Variants in DCAF6 observed in about 807,000 individuals in gnomAD.
The protein encoded by DCAF6 is DDB1 and CUL4 associated factor 6, also known as DDB1- and CUL4-associated factor 6.
In DCAF6, 54 loss-of-function variants were observed where a neutral mutation model predicts 125.1. That is an observed-to-expected ratio of 0.43 (90% confidence interval 0.35 to 0.54). The LOEUF is 0.54. DCAF6 is among the 20% of genes least tolerant of loss of function. The pLI is 0.01. For synonymous variants in DCAF6, 371 were observed against 390.4 expected, an observed-to-expected ratio of 0.95 and a Z score of 0.58; for missense variants, 934 against 1,161.7, an observed-to-expected ratio of 0.80 and a Z score of 2.85.
At chr1:167,872,810 G>A in the DCAF6 span, among the ~76,000 whole-genome samples, 2 of 150,538 alleles carry the variant, frequency 1.3e-5, no homozygotes, top group South Asian at 2.1e-4. Context: ...AGTGGCTCAC[G>A]TCTGTAATCC....
In DCAF6 at chr1:167,936,732, G is replaced by C; in HGVS notation, c.-180G>C. On this transcript the variant is annotated 5_prime_UTR_variant, in exon 1 of 22. Transcript: ENST00000367840. The stretch of plus-strand genomic sequence containing the variant: ...GAGAGTATGAGGCGAGCTCCGGCCC[G>C]GGTGCGGCCGGGCTTCAGGGGCCCA... The C allele has an allele frequency of 1.7e-6, 1 of 598,562 alleles. No homozygotes were observed. The highest frequency in any genetic ancestry group is 3.0e-6 in the Non-Finnish European group (1 of 334,926). 37.1% of individuals were successfully genotyped at this position (598,562 alleles called of 1,614,324 possible).
chr1:167,881,627 AC>A, the DCAF6 span, among the ~76,000 whole-genome samples: 1 of 152,230 alleles, frequency 6.6e-6, no homozygotes, highest in Non-Finnish European at 1.5e-5. Context: ...TTTATTGCAC[AC>A]TGACTCTAAG....
At chr1:167,988,008 TCTC>T (rs1680259156) in intron 5 of DCAF6, among the ~76,000 whole-genome samples, 1 of 152,092 alleles carries the variant, frequency 6.6e-6, no homozygotes, top group Non-Finnish European at 1.5e-5. Flanking sequence ...TGTCTTTTTT[TCTC>T]CTGTCTTTTA....
chr1:167,891,212 G>A, the DCAF6 span, among the ~76,000 whole-genome samples: 1 of 151,824 alleles, frequency 6.6e-6, no homozygotes, highest in Non-Finnish European at 1.5e-5. Context: ...CACCCACCTC[G>A]GCCTCCCAAA....
chr1:167,982,165 A>G (rs1679280372), intron 4 of DCAF6, among the ~76,000 whole-genome samples: 1 of 152,114 alleles, frequency 6.6e-6, no homozygotes, highest in Non-Finnish European at 1.5e-5. Context: ...GGCTCCTTGT[A>G]TGCCTTTGGC....
At position 168,015,888 on chromosome 1, in the gene DCAF6, C is replaced by G. The variant is rs975781164; in HGVS notation, c.1486C>G (p.Gln496Glu). The G allele has an allele frequency of 1.3e-6, 2 of 1,543,842 alleles. No individual in the cohort carries two copies. The highest frequency in any genetic ancestry group is 1.7e-6 in the Non-Finnish European group (2 of 1,143,626). Reference protein sequence around the residue: ...RQQELAAHTQQQPSTSDQSSH... With the variant: ...RQQELAAHTQEQPSTSDQSSH... ...GCAAGAGCTAGCTGCACATACCCAGCAACAGCCTTCCACTTCTGATCAGTC... is the reference window on the plus strand; with the variant it reads ...GCAAGAGCTAGCTGCACATACCCAGGAACAGCCTTCCACTTCTGATCAGTC... The change falls in exon 11 of 22, where the codon CAA becomes GAA. Residue 496 changes from glutamine (Q) to glutamate (E), a missense_variant. This residue lies in a region of DCAF6 where 559 missense variants were observed against 635.5 expected (regional missense o/e 0.88). Coordinates refer to ENST00000367840, the MANE Select transcript of DCAF6 (RefSeq NM_001198956.2).
At chr1:167,903,320 T>C in the DCAF6 span, among the ~76,000 whole-genome samples, 1 of 151,224 alleles carries the variant, frequency 6.6e-6, no homozygotes, top group East Asian at 1.9e-4. Context: ...TCCCAGCACT[T>C]TGGGGGGCTG....
intron 21 of DCAF6, among the ~76,000 whole-genome samples, chr1:168,072,321 A>G (rs867490005): frequency 1.5e-3 from 222 of 146,284 alleles, no homozygotes; most frequent in Non-Finnish European, 2.3e-3. Context: ...AAAAAAAAAA[A>G]AAAAGAAAAG....
intron 4 of DCAF6, 96 bp downstream of exon 4, chr1:167,975,111 TGTG>T: frequency 1.5e-6 from 1 of 658,350 alleles, no homozygotes; most frequent in South Asian, 4.5e-5. Flanking sequence ...CATGTACAGA[TGTG>T]TGTGTATGCA....
intron 10 of DCAF6, among the ~76,000 whole-genome samples, chr1:168,009,587 GTCTTT>G (rs1415627138): frequency 4.3e-5 from 6 of 137,938 alleles, no homozygotes; most frequent in Admixed American, 2.4e-4. Flanking sequence ...TCTCTTTCCT[GTCTTT>G]TCTTTTCTTT....
intron 4 of DCAF6, among the ~76,000 whole-genome samples, chr1:167,982,215 G>A (rs1293455516): frequency 6.6e-6 from 1 of 151,950 alleles, no homozygotes; most frequent in Non-Finnish European, 1.5e-5. Flanking sequence ...TTTTAAGGGG[G>A]TTATTTGGTT....
At chr1:168,013,391 A>G (rs1684554207) in intron 10 of DCAF6, among the ~76,000 whole-genome samples, 1 of 152,110 alleles carries the variant, frequency 6.6e-6, no homozygotes, top group Non-Finnish European at 1.5e-5. Flanking sequence ...AGTAAACCAA[A>G]TTTTTTACTC....
chr1:167,880,601 A>G, the DCAF6 span: 1 of 1,612,806 alleles, frequency 6.2e-7, no homozygotes, highest in Non-Finnish European at 8.5e-7. Context: ...CACAGAGGAA[A>G]GAGCAGCCCT....
the DCAF6 span, among the ~76,000 whole-genome samples, chr1:167,888,841 A>C: frequency 1.3e-5 from 1 of 76,194 alleles, no homozygotes; most frequent in African/African-American, 5.3e-5. Flanking sequence ...GCGCAACTGC[A>C]GTCCAGCCTG....
chr1:168,052,174 G>A (rs527277697), intron 17 of DCAF6, among the ~76,000 whole-genome samples: 3 of 152,120 alleles, frequency 2.0e-5, no homozygotes, highest in Non-Finnish European at 4.4e-5. Flanking sequence ...TTGAGCCACC[G>A]CATCTGGCCT....
At chr1:167,974,626 C>T (rs1409369927) in intron 3 of DCAF6, among the ~76,000 whole-genome samples, 2 of 151,998 alleles carry the variant, frequency 1.3e-5, no homozygotes, top group Non-Finnish European at 2.9e-5. Flanking sequence ...TGATGGTACT[C>T]AATCTTATTC....
chr1:168,069,146 A>G (rs1382946989), intron 21 of DCAF6, among the ~76,000 whole-genome samples: 1 of 152,122 alleles, frequency 6.6e-6, no homozygotes, highest in Non-Finnish European at 1.5e-5. Flanking sequence ...ATCCTCATTT[A>G]CCTCCAATCC....
the DCAF6 span, chr1:167,917,283 A>G: frequency 6.6e-6 from 1 of 152,192 alleles, no homozygotes. Flanking sequence ...GTACTCTGCT[A>G]GGTACTTTCC....
intron 12 of DCAF6, among the ~76,000 whole-genome samples, chr1:168,034,597 T>G (rs890526887): frequency 6.6e-6 from 1 of 152,224 alleles, no homozygotes; most frequent in Non-Finnish European, 1.5e-5. Context: ...AAAATGGAGA[T>G]GACAATACTG....
Sources: allele counts gnomAD v4.1 joint callset (sites outside exome capture counted in the v4.1 genomes callset), GRCh38; gene constraint gnomAD v4.1.1; regional missense constraint gnomAD v4.1.1; transcripts MANE v1.5; gene names NCBI Gene and HGNC (gene_info 2026-07-23, HGNC 2026-07-21).